The following SLC35D4 variants were observed in gnomAD, a reference collection of about 807,000 sequenced individuals.
SLC35D4 encodes UDP-N-acetylglucosamine transporter SLC35D4.
chr18:23,321,339 C>CT, the SLC35D4 span, among the ~76,000 whole-genome samples: 8 of 152,252 alleles, frequency 5.3e-5, no homozygotes, highest in Middle Eastern at 3.4e-3. Flanking sequence ...GTAGGTTTCC[C>CT]TTTTTTTATA....
At chr18:23,391,334 C>T in the SLC35D4 span, among the ~76,000 whole-genome samples, 1 of 152,128 alleles carries the variant, frequency 6.6e-6, no homozygotes, top group Non-Finnish European at 1.5e-5. Context: ...GATTTTACCC[C>T]AGAGACCTGC....
chr18:23,304,084 C>A, the SLC35D4 span, among the ~76,000 whole-genome samples: 1 of 147,118 alleles, frequency 6.8e-6, no homozygotes, highest in Non-Finnish European at 1.5e-5. Flanking sequence ...TCCTGGCTAA[C>A]ACGGTGAAAC....
At chr18:23,286,338 A>G in the SLC35D4 span, among the ~76,000 whole-genome samples, 2 of 152,328 alleles carry the variant, frequency 1.3e-5, no homozygotes, top group Admixed American at 1.3e-4. Context: ...TCTGGCCACC[A>G]GGCCAAGGAA....
chr18:23,259,736 G>T, the SLC35D4 span: 1 of 152,214 alleles, frequency 6.6e-6, no homozygotes, highest in Non-Finnish European at 1.5e-5. Context: ...CAGACACGTC[G>T]CAGCCTTGGG....
the SLC35D4 span, among the ~76,000 whole-genome samples, chr18:23,363,473 C>T: frequency 7.2e-6 from 1 of 138,324 alleles, no homozygotes; most frequent in Non-Finnish European, 1.5e-5. Context: ...CTCCCGGGTT[C>T]ACGCCATTCT....
chr18:23,335,189 A>T, the SLC35D4 span, among the ~76,000 whole-genome samples: 228 of 152,364 alleles, frequency 1.5e-3, no homozygotes, highest in Non-Finnish European at 2.1e-3. Context: ...CAGGCCACCA[A>T]GATGTCTCTA....
the SLC35D4 span, among the ~76,000 whole-genome samples, chr18:23,284,442 C>T: frequency 0.018 from 2,749 of 152,286 alleles, 81 homozygotes; most frequent in African/African-American, 0.063. Flanking sequence ...ACTCTTTCAA[C>T]GGGTTGCCAA....
the SLC35D4 span, among the ~76,000 whole-genome samples, chr18:23,246,669 GCT>G: frequency 2.0e-5 from 3 of 151,614 alleles, no homozygotes; most frequent in South Asian, 2.1e-4. Flanking sequence ...GGGATTATAT[GCT>G]TGAGCCACCG....
the SLC35D4 span, chr18:23,309,806 C>A: frequency 6.7e-7 from 1 of 1,502,674 alleles, no homozygotes; most frequent in South Asian, 1.1e-5. Flanking sequence ...CCTCCAATGT[C>A]ATTTTTTTCA....
the SLC35D4 span, among the ~76,000 whole-genome samples, chr18:23,393,224 T>A: frequency 7.2e-5 from 11 of 152,220 alleles, no homozygotes; most frequent in Admixed American, 3.3e-4. Flanking sequence ...CTAGATTATT[T>A]TTTTTTTTAT....
chr18:23,290,671 C>T, the SLC35D4 span, among the ~76,000 whole-genome samples: 11 of 151,144 alleles, frequency 7.3e-5, no homozygotes, highest in East Asian at 3.9e-4. Flanking sequence ...GTGTCGCCCA[C>T]GCTGGAGTGC....
At chr18:23,411,483 TAGAAAGAA>T in the SLC35D4 span, among the ~76,000 whole-genome samples, 6,651 of 91,764 alleles carry the variant, frequency 0.072, 210 homozygotes, top group Middle Eastern at 0.085. Flanking sequence ...AAGAAAGAGA[TAGAAAGAA>T]AGAAAGAAAG....
At chr18:23,399,608 A>C in the SLC35D4 span, 14 of 1,613,894 alleles carry the variant, frequency 8.7e-6, no homozygotes, top group African/African-American at 1.9e-4. Flanking sequence ...TTATACCCAC[A>C]AACAGCACTG....
At chr18:23,399,702 C>T in the SLC35D4 span, 1 of 1,576,238 alleles carries the variant, frequency 6.3e-7, no homozygotes, top group East Asian at 2.2e-5. Context: ...TTAAGAAAGA[C>T]CTAGCTGGAA....
chr18:23,253,915 C>G, the SLC35D4 span: 20 of 1,614,004 alleles, frequency 1.2e-5, no homozygotes, highest in East Asian at 4.5e-4. Context: ...TCAAAAAACA[C>G]GAAGTCAAGC....
the SLC35D4 span, among the ~76,000 whole-genome samples, chr18:23,375,346 C>T: frequency 9.9e-5 from 15 of 151,968 alleles, no homozygotes; most frequent in Non-Finnish European, 2.2e-4. Context: ...AACTTATTCT[C>T]AAATGATTCA....
At chr18:23,297,920 A>G in the SLC35D4 span, 1 of 1,488,794 alleles carries the variant, frequency 6.7e-7, no homozygotes. Context: ...CACATCCAAC[A>G]GGGAGCTATG....
the SLC35D4 span, among the ~76,000 whole-genome samples, chr18:23,278,447 G>A: frequency 6.6e-6 from 1 of 152,192 alleles, no homozygotes; most frequent in African/African-American, 2.4e-5. Context: ...TGTCACACCA[G>A]GAGCAGAATA....
the SLC35D4 span, among the ~76,000 whole-genome samples, chr18:23,239,326 T>C: frequency 9.2e-5 from 14 of 152,248 alleles, no homozygotes; most frequent in African/African-American, 3.4e-4. Flanking sequence ...GAGAATGGAA[T>C]TGCGCATGGA....
Sources: gnomAD v4.1 joint callset for allele counts (sites outside exome capture counted in the v4.1 genomes callset) on GRCh38, gnomAD v4.1.1 for gene constraint, MANE v1.5 for transcripts, NCBI Gene and HGNC (gene_info 2026-07-23, HGNC 2026-07-21) for gene names.